Variants in GMDS observed in about 807,000 individuals in gnomAD.
The protein encoded by GMDS is GDP-mannose 4,6-dehydratase, also known as GDP-mannose 4,6 dehydratase.
A neutral mutation model predicts 49.9 loss-of-function variants in GMDS; 20 were observed. The ratio of observed to expected loss-of-function variants is 0.40; its 90% CI spans 0.28 to 0.58. The LOEUF is 0.58. Among genes scored for constraint, GMDS ranks in the 20% least tolerant of loss-of-function variants. The pLI, the probability that GMDS is intolerant of heterozygous loss-of-function variation, is 0.42. For missense variants in GMDS, 362 were observed against 481.4 expected, an observed-to-expected ratio of 0.75 and a Z score of 2.32; for synonymous variants, 177 against 178.6, an observed-to-expected ratio of 0.99 and a Z score of 0.07.
chr6:2,142,805 C>T (rs923895566), intron 1 of GMDS, among the ~76,000 whole-genome samples: 2 of 152,080 alleles, frequency 1.3e-5, no homozygotes, highest in African/African-American at 2.4e-5. Flanking sequence ...ACTCTTTGCA[C>T]CTCTAGTTAA....
At chr6:1,722,093 A>C (rs1399503197) in intron 9 of GMDS, among the ~76,000 whole-genome samples, 1 of 116,844 alleles carries the variant, frequency 8.6e-6, no homozygotes, top group Non-Finnish European at 1.6e-5. Context: ...TTGAGATGGA[A>C]TCTTGCTTTG....
intron 7 of GMDS, among the ~76,000 whole-genome samples, chr6:1,786,681 C>T (rs9501771): frequency 0.013 from 2,018 of 152,312 alleles, 47 homozygotes; most frequent in African/African-American, 0.046. Flanking sequence ...CGAAGCAATG[C>T]TGCCCACACT....
rs115043811 is a variant in GMDS at position 2,146,515 on chromosome 6, T to C, written c.103-21784A>G. On this transcript the variant is annotated intron_variant, in intron 1 of 10. Coordinates refer to ENST00000380815, the MANE Select transcript of GMDS (RefSeq NM_001500.4). ...TTAACAAAATACTCACAGACAGGAATTATGTTATATTACATGATCTCTAAT... is the reference window on the plus strand; with the variant it reads ...TTAACAAAATACTCACAGACAGGAACTATGTTATATTACATGATCTCTAAT... Among the ~76,000 whole-genome samples the C allele has an allele frequency of 5.7e-3, 865 of 152,318 alleles. 2 individuals carry two copies. The highest frequency in any genetic ancestry group is 0.017 in the Middle Eastern group (5 of 294).
chr6:2,226,032 A>G (rs1393111157), intron 1 of GMDS, among the ~76,000 whole-genome samples: 1 of 152,174 alleles, frequency 6.6e-6, no homozygotes, highest in East Asian at 1.9e-4. Flanking sequence ...AGAGAGGAAT[A>G]GAAAAGAAAA....
chr6:2,128,838 A>G (rs1302288837), intron 1 of GMDS, among the ~76,000 whole-genome samples: 1 of 152,184 alleles, frequency 6.6e-6, no homozygotes, highest in Non-Finnish European at 1.5e-5. Flanking sequence ...AGCTCAGAGG[A>G]GGGAGAAAGG....
intron 7 of GMDS, among the ~76,000 whole-genome samples, chr6:1,894,385 TA>T (rs1760044054): frequency 6.6e-6 from 1 of 152,368 alleles, no homozygotes; most frequent in African/African-American, 2.4e-5. Context: ...TTTTATATTA[TA>T]GGGGTATTTA....
chr6:1,644,745 C>T (rs1386818634), intron 9 of GMDS, among the ~76,000 whole-genome samples: 2 of 152,156 alleles, frequency 1.3e-5, no homozygotes, highest in Non-Finnish European at 2.9e-5. Context: ...CGGCCACCCC[C>T]ACTGCCGTTT....
intron 4 of GMDS, among the ~76,000 whole-genome samples, chr6:2,007,562 T>A (rs1767273870): frequency 6.6e-6 from 1 of 151,404 alleles, no homozygotes; most frequent in Non-Finnish European, 1.5e-5. Flanking sequence ...TTTTCTTTTT[T>A]CTTTTTTTTT....
chr6:1,937,543 A>G (rs1239601524), intron 6 of GMDS, among the ~76,000 whole-genome samples: 1 of 152,172 alleles, frequency 6.6e-6, no homozygotes, highest in Non-Finnish European at 1.5e-5. Context: ...TGCTCCTTCG[A>G]GAATATCTAC....
chr6:1,662,405 A>G (rs1402044681), intron 9 of GMDS, among the ~76,000 whole-genome samples: 1 of 152,170 alleles, frequency 6.6e-6, no homozygotes. Flanking sequence ...ACTTGGGAAC[A>G]GCTGGAGAAA....
intron 4 of GMDS, among the ~76,000 whole-genome samples, chr6:2,013,933 T>TATATATATATATATAC: frequency 8.8e-5 from 1 of 11,368 alleles, no homozygotes; most frequent in African/African-American, 1.3e-4. Context: ...ACCATATATA[T>TATATATATATATATAC]ATATATATAT....
chr6:1,672,807 G>T (rs978272982), intron 9 of GMDS, among the ~76,000 whole-genome samples: 2 of 152,200 alleles, frequency 1.3e-5, no homozygotes, highest in Non-Finnish European at 2.9e-5. Context: ...TCTGTCTGAC[G>T]CTGCATTCTT....
chr6:1,855,998 T>C lies in GMDS; in HGVS notation c.771+74105A>G, dbSNP rs185140458. Among the ~76,000 whole-genome samples the C allele has an allele frequency of 4.9e-4, 75 of 152,228 alleles. 1 individual carries two copies. Among genetic ancestry groups the C allele is most frequent in the African/African-American group, 1.7e-3 (70 of 41,534 alleles). ...AGACAGTGTGTCTGTGTACCTAATC[T>C]CTCAAATCCAAAATCTCCCCACAAC... On this transcript the variant is annotated intron_variant, in intron 7 of 10. Transcript: ENST00000380815.
intron 9 of GMDS, among the ~76,000 whole-genome samples, chr6:1,669,904 C>T (rs12333161): frequency 0.049 from 5,494 of 111,118 alleles, 426 homozygotes; most frequent in African/African-American, 0.18. Context: ...AAAAGCGAGA[C>T]GAGACTCCAT....
At position 2,115,891 on chromosome 6, in the gene GMDS, CA is replaced by C; in HGVS notation, c.236-12del. 3 of 1,388,926 alleles carry C rather than the reference CA, an allele frequency of 2.2e-6. No homozygotes were observed. Among genetic ancestry groups the C allele is most frequent in the Non-Finnish European group, 3.1e-6 (3 of 976,234 alleles). 86.0% of individuals were successfully genotyped at this position (1,388,926 alleles called of 1,614,324 possible). A position where few individuals can be genotyped will look rare whatever the true frequency, so the allele number is the denominator to read the frequency against. On this transcript the variant is annotated splice_polypyrimidine_tract_variant and intron_variant, in intron 3 of 10. Coordinates refer to ENST00000380815, the MANE Select transcript of GMDS (RefSeq NM_001500.4). ...AGTGCAACTTCATGTCTTCAGGATACAAAAACATCCCATTAGATAGAGAAAA... is the reference window on the plus strand; with the variant it reads ...AGTGCAACTTCATGTCTTCAGGATACAAAACATCCCATTAGATAGAGAAAA...
intron 6 of GMDS, among the ~76,000 whole-genome samples, chr6:1,948,575 C>G (rs188296015): frequency 1.3e-5 from 2 of 152,020 alleles, no homozygotes; most frequent in African/African-American, 4.8e-5. Flanking sequence ...GAGGATCTCT[C>G]GAGCCCAGGA....
At position 2,048,321 on chromosome 6, in the gene GMDS, G is replaced by T. The variant is rs142991947; in HGVS notation, c.345+67450C>A. 4.0e-3 allele frequency among the ~76,000 whole-genome samples: 606 copies of T among 152,286 alleles called. 8 individuals are homozygous for T. Among genetic ancestry groups the T allele is most frequent in the African/African-American group, 0.014 (575 of 41,580 alleles). On this transcript the variant is annotated intron_variant, in intron 4 of 10. Transcript: ENST00000380815. ...TATAAGAATTTTTTCCATATGGCCAGCATCAATTATTAAAAAGATAAGTCC... is the reference window on the plus strand; with the variant it reads ...TATAAGAATTTTTTCCATATGGCCATCATCAATTATTAAAAAGATAAGTCC...
intron 4 of GMDS, among the ~76,000 whole-genome samples, chr6:2,090,683 G>A (rs1445798635): frequency 1.3e-5 from 2 of 152,126 alleles, no homozygotes; most frequent in Admixed American, 6.5e-5. Context: ...TTTTTGGAAT[G>A]GTGCTATGTT....
chr6:2,089,788 C>T (rs188466541), intron 4 of GMDS, among the ~76,000 whole-genome samples: 2 of 152,166 alleles, frequency 1.3e-5, no homozygotes, highest in African/African-American at 4.8e-5. Context: ...CCAAGCAGTA[C>T]GTCTTTGGAT....
Sources: gnomAD v4.1 joint callset for allele counts (sites outside exome capture counted in the v4.1 genomes callset) on GRCh38, gnomAD v4.1.1 for gene constraint, MANE v1.5 for transcripts, NCBI Gene and HGNC (gene_info 2026-07-23, HGNC 2026-07-21) for gene names.